PET100: variants seen among roughly 807,000 people sequenced by gnomAD.
The protein encoded by PET100 is protein PET100 homolog, mitochondrial.
A neutral mutation model predicts 13.6 loss-of-function variants in PET100; 13 were observed. The ratio of observed to expected loss-of-function variants is 0.96; its 90% CI spans 0.62 to 1.52. PET100 has a LOEUF of 1.52. Among genes scored for constraint, PET100 ranks in the 40% most tolerant of loss-of-function variants. The pLI is 0.00. For synonymous variants in PET100, 28 were observed against 30.8 expected (o/e 0.91, Z 0.30); for missense variants, 94 against 95.3 (o/e 0.99, Z 0.06).
chr19:7,629,860 G>A lies in PET100; in HGVS notation c.27G>A (p.Arg9=), dbSNP rs2031233799. 2.0e-6 allele frequency: 3 copies of A among 1,534,110 alleles called. No homozygotes were observed. Among genetic ancestry groups the A allele is most frequent in the African/African-American group, 2.7e-5 (2 of 72,908 alleles). Residue 9 remains arginine (R), a splice_region_variant and synonymous_variant, in exon 1 of 4, where the codon CGG becomes CGA. Coordinates refer to ENST00000594797, the MANE Select transcript of PET100 (RefSeq NM_001171155.2). MGVKLEIF[R]MIIYLTFPVA... ...TGGGGGTGAAGCTGGAGATATTTCG[G>A]GTCAGTGGACACAGGAGTGGGTTGG...
chr19:7,630,417 C>T (rs559900874), intron 1 of PET100, 156 bp from the exon 2 acceptor site: 2 of 635,206 alleles, frequency 3.1e-6, no homozygotes, highest in East Asian at 2.7e-5. Context: ...TTTTAGGGTG[C>T]GAGGTTTCTG....
At chr19:7,631,056 A>G in intron 3 of PET100, 1 of 764,766 alleles carries the variant, frequency 1.3e-6, no homozygotes, top group East Asian at 2.7e-5. Context: ...AGAAATACAA[A>G]ACTTAGCCAG....
rs1170178471 is a variant in PET100 at position 7,630,517 on chromosome 19, G to T, written c.28-56G>T. ...TAGGATGGGTCCCCCAGGCTCTGAG[G>T]AGCCTCTGCACATTGCTTGGGGGGA... is the stretch of plus-strand genomic sequence containing the variant. On this transcript the variant is annotated intron_variant, in intron 1 of 3. Transcript: ENST00000594797. 2.2e-6 allele frequency: 3 copies of T among 1,386,968 alleles called. No homozygotes were observed. In the African/African-American group the frequency reaches 4.3e-5, roughly 20 times the overall value. The allele number at this position is 1,386,968 out of a possible 1,614,324, so 85.9% of individuals were successfully genotyped here.
chr19:7,630,706 G>C, intron 2 of PET100, 47 bp downstream of exon 2: 1 of 1,532,096 alleles, frequency 6.5e-7, no homozygotes, highest in Non-Finnish European at 8.8e-7. Flanking sequence ...GGGTGGGAGA[G>C]GGTGTGGGGC....
Position 7,631,460 on chromosome 19 carries a change from T to C in PET100, c.139-13T>C. 3.9e-6 allele frequency: 6 copies of C among 1,533,142 alleles called. No homozygotes were observed. The highest frequency in any genetic ancestry group is 1.4e-5 in the African/African-American group (1 of 72,626). The allele number at this position is 1,533,142 out of a possible 1,614,324, so 95.0% of individuals were successfully genotyped here. A position where few individuals can be genotyped will look rare whatever the true frequency, so the allele number is the denominator to read the frequency against. ...CTCCCCCCTTCCTGTCCCACCCGCT[T>C]CTCCACCCCTAGCTTCAAGAGATAG... On this transcript the variant is annotated splice_polypyrimidine_tract_variant and intron_variant, in intron 3 of 3. Transcript: ENST00000594797.
At chr19:7,629,901 A>G (rs910646054) in intron 1 of PET100, 41 bp downstream of exon 1, 1 of 1,489,834 alleles carries the variant, frequency 6.7e-7, no homozygotes, top group South Asian at 1.3e-5. Context: ...TGGGCAGGGG[A>G]TCTTCCTGGA....
At position 7,631,756 on chromosome 19, in the gene PET100, G is replaced by A; in HGVS notation, c.*200G>A. 7.0e-7 allele frequency: 1 copy of A among 1,432,622 alleles called. No individual in the cohort carries two copies. The allele number at this position is 1,432,622 out of a possible 1,614,324, so 88.7% of individuals were successfully genotyped here. ...GAAGCCGAGAGCGGTCGGGTCCTGA[G>A]GGGTGAGCAGGGGTTGGGGACTGAG... On this transcript the variant is annotated 3_prime_UTR_variant, in exon 4 of 4. Coordinates refer to ENST00000594797, the MANE Select transcript of PET100 (RefSeq NM_001171155.2).
chr19:7,629,906 C>T (rs2031235772), intron 1 of PET100, 46 bp downstream of exon 1: 2 of 1,490,290 alleles, frequency 1.3e-6, no homozygotes, highest in Non-Finnish European at 8.9e-7. Flanking sequence ...AGGGGATCTT[C>T]CTGGATCTGA....
intron 3 of PET100, 69 bp downstream of exon 3, chr19:7,630,915 G>C (rs1345555891): frequency 6.5e-7 from 1 of 1,533,046 alleles, no homozygotes; most frequent in Non-Finnish European, 8.7e-7. Context: ...ATGGGTTTTA[G>C]ATGAAAATTT....
rs535777992 is a variant in PET100 at position 7,631,539 on chromosome 19, G to T, written c.205G>T (p.Ala69Ser). The change falls in exon 4 of 4, where the codon GCC (alanine) becomes TCC (serine). Residue 69 changes from alanine to serine, a missense_variant. Transcript: ENST00000594797. ...GCGGGAGGAGAAGCTCCTTCGCGAC[G>T]CCCAGCAGAACTCCTGAGGCCTCCA... ...KRREEKLLRD[A>S]QQNS is the part of the protein sequence containing the mutation. The T allele has an allele frequency of 1.2e-5, 18 of 1,535,872 alleles. No homozygotes were observed. The East Asian group carries it at 4.2e-4, about 35-fold the overall frequency.
intron 3 of PET100, 89 bp downstream of exon 3, chr19:7,630,935 C>T (rs994858054): frequency 8.9e-6 from 13 of 1,464,804 alleles, no homozygotes; most frequent in South Asian, 3.6e-5. Flanking sequence ...TTAGGCCAGG[C>T]GCAGTGGCTC....
At position 7,631,707 on chromosome 19, in the gene PET100, G is replaced by A. The variant is rs577327916; in HGVS notation, c.*151G>A. On this transcript the variant is annotated 3_prime_UTR_variant, in exon 4 of 4. Coordinates refer to ENST00000594797, the MANE Select transcript of PET100 (RefSeq NM_001171155.2). ...CAGGCCCTCAGGGGGCTTGTGTCGG[G>A]GGCTGGGGGCTGCTGTTCCGACGGA... 62 of 1,453,102 alleles carry A rather than the reference G, an allele frequency of 4.3e-5. No individual in the cohort carries two copies. The East Asian group carries it at 1.1e-3, about 26-fold the overall frequency. 90.0% of individuals were successfully genotyped at this position (1,453,102 alleles called of 1,614,324 possible).
chr19:7,631,622 T>G lies in PET100; in HGVS notation c.*66T>G. 6.8e-7 allele frequency: 1 copy of G among 1,466,560 alleles called. No homozygotes were observed. The allele number at this position is 1,466,560 out of a possible 1,614,324, so 90.8% of individuals were successfully genotyped here. Reference sequence around the variant, plus strand: ...ATACATATACTCAGTTCCTTGTTATTCATTTAAGTGTTTTATTCTTTTATC... The same window carrying G: ...ATACATATACTCAGTTCCTTGTTATGCATTTAAGTGTTTTATTCTTTTATC... On this transcript the variant is annotated 3_prime_UTR_variant, in exon 4 of 4. Coordinates refer to ENST00000594797, the MANE Select transcript of PET100 (RefSeq NM_001171155.2).
At chr19:7,631,425 G>A (rs887280707) in intron 3 of PET100, 48 bp from the exon 4 acceptor site, 3 of 1,484,038 alleles carry the variant, frequency 2.0e-6, no homozygotes, top group Admixed American at 4.1e-5. Context: ...CGGCTCTGAG[G>A]TGTGTGCCCC....
Position 7,630,664 on chromosome 19 carries a change from G to C in PET100, c.114+5G>C. 6.5e-7 allele frequency: 1 copy of C among 1,536,776 alleles called. No homozygotes were observed. The highest frequency in any genetic ancestry group is 1.4e-5 in the African/African-American group (1 of 73,154). On this transcript the variant is annotated splice_donor_5th_base_variant and intron_variant, in intron 2 of 3. Coordinates refer to ENST00000594797, the MANE Select transcript of PET100 (RefSeq NM_001171155.2). ...GACGATGTCATACAGCGCAAGGTGG[G>C]CATAAGAGGAGTGTTTGAGGGTTCA...
At chr19:7,629,900 G>T (rs2031235489) in intron 1 of PET100, 40 bp downstream of exon 1, 1 of 1,490,448 alleles carries the variant, frequency 6.7e-7, no homozygotes. Context: ...CTGGGCAGGG[G>T]ATCTTCCTGG....
In PET100 at chr19:7,631,467, C is replaced by T; in HGVS notation, c.139-6C>T. The T allele has an allele frequency of 6.5e-7, 1 of 1,535,660 alleles. No individual in the cohort carries two copies. Among genetic ancestry groups the T allele is most frequent in the Non-Finnish European group, 8.7e-7 (1 of 1,146,428 alleles). ...CTTCCTGTCCCACCCGCTTCTCCAC[C>T]CCTAGCTTCAAGAGATAGAGGAATT... is the stretch of plus-strand genomic sequence containing the variant. On this transcript the variant is annotated splice_polypyrimidine_tract_variant and splice_region_variant and intron_variant, in intron 3 of 3. Transcript: ENST00000594797.
intron 3 of PET100, 42 bp downstream of exon 3, chr19:7,630,888 G>A (rs2031268219): frequency 1.3e-6 from 2 of 1,536,736 alleles, no homozygotes; most frequent in Non-Finnish European, 1.7e-6. Context: ...GGAGGAGGCT[G>A]GATTCTTGTA....
intron 2 of PET100, 53 bp downstream of exon 2, chr19:7,630,712 G>A: frequency 6.5e-7 from 1 of 1,531,210 alleles, no homozygotes; most frequent in East Asian, 2.4e-5. Flanking sequence ...GAGAGGGTGT[G>A]GGGCAGCAGT....
Sources: allele counts gnomAD v4.1 joint callset, GRCh38; gene constraint gnomAD v4.1.1; transcripts MANE v1.5; gene names NCBI Gene and HGNC (gene_info 2026-07-23, HGNC 2026-07-21).